Variants in GAB2 observed in about 807,000 individuals in gnomAD.
The protein encoded by GAB2 is GRB2-associated-binding protein 2.
GAB2 carries 26 observed loss-of-function variants against 65.5 expected under a neutral mutation model. That is an observed-to-expected ratio of 0.40 (90% confidence interval 0.29 to 0.55). GAB2 has a LOEUF of 0.55. GAB2 is among the 20% of genes least tolerant of loss of function. GAB2 has a pLI of 0.53. For missense variants in GAB2, 884 were observed against 875.8 expected (o/e 1.01, Z -0.12); for synonymous variants, 321 against 329.6 (o/e 0.97, Z 0.28).
intron 1 of GAB2, among the ~76,000 whole-genome samples, chr11:78,336,491 T>C (rs114142124): frequency 0.16 from 23,733 of 150,264 alleles, 2,536 homozygotes; most frequent in East Asian, 0.41. Context: ...TTTTTTTTTT[T>C]TTTTGGTGAA....
intron 1 of GAB2, among the ~76,000 whole-genome samples, chr11:78,344,834 T>C (rs1856153991): frequency 6.6e-6 from 1 of 152,064 alleles, no homozygotes; most frequent in African/African-American, 2.4e-5. Flanking sequence ...GATTCAACAA[T>C]ATCCTGTTTT....
intron 9 of GAB2, 32 bp downstream of exon 9, chr11:78,220,287 T>C: frequency 6.2e-7 from 1 of 1,610,730 alleles, no homozygotes; most frequent in Non-Finnish European, 8.5e-7. Flanking sequence ...CCCTGAGAGC[T>C]CTTACTGCCC....
At chr11:78,284,635 C>G (rs1435484179) in intron 1 of GAB2, among the ~76,000 whole-genome samples, 1 of 152,144 alleles carries the variant, frequency 6.6e-6, no homozygotes. Flanking sequence ...TTTTCTAGTC[C>G]TTATTCAAAT....
rs139821918 is a variant in GAB2, at chr11:78,395,090, T to C, written c.75+22556A>G. On this transcript the variant is annotated intron_variant, in intron 1 of 9. Transcript: ENST00000361507. ...GAGACCAGAAGGGCCAGGGAAGAAA[T>C]ATCAGAGAGAGACTGTATCTCCTCC... Among the ~76,000 whole-genome samples, 659 of 152,074 alleles carry C rather than the reference T, an allele frequency of 4.3e-3. 8 individuals are homozygous for C. The highest frequency in any genetic ancestry group is 0.015 in the African/African-American group (632 of 41,472).
At chr11:78,403,202 CAAGGAT>C (rs945054564) in intron 1 of GAB2, among the ~76,000 whole-genome samples, 1 of 152,186 alleles carries the variant, frequency 6.6e-6, no homozygotes, top group African/African-American at 2.4e-5. Flanking sequence ...AGATACTAAT[CAAGGAT>C]AGCAAATCAC....
At chr11:78,223,733 G>T in intron 5 of GAB2, 57 bp from the exon 6 acceptor site, 8 of 1,438,590 alleles carry the variant, frequency 5.6e-6, no homozygotes, top group Admixed American at 2.0e-5. Context: ...GAAACAGGAA[G>T]GGGGTAAGAC....
At chr11:78,319,907 A>T (rs1262749332) in intron 1 of GAB2, among the ~76,000 whole-genome samples, 1 of 149,920 alleles carries the variant, frequency 6.7e-6, no homozygotes, top group Non-Finnish European at 1.5e-5. Context: ...TTGCTCTGTC[A>T]CCCAGGGTGG....
At chr11:78,281,604 A>T (rs1203166541) in intron 1 of GAB2, among the ~76,000 whole-genome samples, 2 of 152,164 alleles carry the variant, frequency 1.3e-5, no homozygotes, top group African/African-American at 4.8e-5. Context: ...GGACTGTGGG[A>T]CCTGCAGGTG....
At chr11:78,340,227 C>T (rs1591050734) in intron 1 of GAB2, among the ~76,000 whole-genome samples, 1 of 152,176 alleles carries the variant, frequency 6.6e-6, no homozygotes, top group Non-Finnish European at 1.5e-5. Context: ...ATTCTAAAAG[C>T]TCAGGGCTAT....
At chr11:78,227,733 G>A (rs755759355) in intron 3 of GAB2, among the ~76,000 whole-genome samples, 3 of 151,252 alleles carry the variant, frequency 2.0e-5, no homozygotes, top group South Asian at 2.1e-4. Context: ...CCAGAAGTTC[G>A]AAGTTAGAGT....
At chr11:78,279,517 T>A (rs944151701) in intron 2 of GAB2, among the ~76,000 whole-genome samples, 5 of 152,188 alleles carry the variant, frequency 3.3e-5, no homozygotes, top group African/African-American at 1.2e-4. Context: ...CAGTGGTTTT[T>A]AGTATACTCA....
chr11:78,407,012 G>C (rs1248674664), intron 1 of GAB2, among the ~76,000 whole-genome samples: 1 of 152,162 alleles, frequency 6.6e-6, no homozygotes, highest in African/African-American at 2.4e-5. Flanking sequence ...TAGAATCAGT[G>C]AATGGGAAAA....
intron 1 of GAB2, among the ~76,000 whole-genome samples, chr11:78,308,029 G>A (rs1278062741): frequency 6.6e-6 from 1 of 152,148 alleles, no homozygotes; most frequent in African/African-American, 2.4e-5. Context: ...TTCTGAAGCT[G>A]AGACACCCAT....
chr11:78,414,401 T>C (rs1857167211), intron 1 of GAB2, among the ~76,000 whole-genome samples: 3 of 152,218 alleles, frequency 2.0e-5, no homozygotes, highest in Admixed American at 6.5e-5. Flanking sequence ...TGCACAACTT[T>C]CTTCAAGTTA....
intron 1 of GAB2, among the ~76,000 whole-genome samples, chr11:78,284,213 A>G (rs1297775761): frequency 6.6e-6 from 1 of 152,158 alleles, no homozygotes; most frequent in Non-Finnish European, 1.5e-5. Context: ...GACAGTTCAG[A>G]ATATATCAAC....
At chr11:78,295,072 G>A (rs541896623) in intron 1 of GAB2, among the ~76,000 whole-genome samples, 6 of 152,084 alleles carry the variant, frequency 3.9e-5, no homozygotes, top group Non-Finnish European at 5.9e-5. Context: ...AAAAGTTGAC[G>A]AAGAATATGA....
chr11:78,234,708 T>G (rs1864938944), intron 3 of GAB2, among the ~76,000 whole-genome samples: 1 of 151,776 alleles, frequency 6.6e-6, no homozygotes, highest in Non-Finnish European at 1.5e-5. Context: ...TTTTTGTCCT[T>G]TCACCAATAC....
At chr11:78,356,786 G>T (rs992933184) in intron 1 of GAB2, among the ~76,000 whole-genome samples, 1 of 152,154 alleles carries the variant, frequency 6.6e-6, no homozygotes, top group African/African-American at 2.4e-5. Flanking sequence ...TAAAAAATGT[G>T]GTTTATAGAT....
intron 1 of GAB2, among the ~76,000 whole-genome samples, chr11:78,355,126 A>T (rs1237314875): frequency 6.6e-6 from 1 of 152,220 alleles, no homozygotes; most frequent in Admixed American, 6.5e-5. Context: ...TGTAATAGAG[A>T]TCCTCCACGG....
Sources: gnomAD v4.1 joint callset for allele counts (sites outside exome capture counted in the v4.1 genomes callset) on GRCh38, gnomAD v4.1.1 for gene constraint, MANE v1.5 for transcripts, NCBI Gene and HGNC (gene_info 2026-07-23, HGNC 2026-07-21) for gene names.